UBE2L3: variants seen among roughly 807,000 people sequenced by gnomAD.
UBE2L3 encodes the protein ubiquitin-conjugating enzyme E2 L3.
A neutral mutation model predicts 17.8 loss-of-function variants in UBE2L3; 1 was observed. The observed-to-expected ratio is 0.06, with a 90% CI of 0.02 to 0.27. The LOEUF (loss-of-function observed/expected upper bound fraction) is 0.27, where lower values mean the gene tolerates loss of function less well. Among genes scored for constraint, UBE2L3 ranks in the 10% least tolerant of loss-of-function variants. The pLI is 1.00. For missense variants in UBE2L3, 40 were observed against 192.6 expected, an observed-to-expected ratio of 0.21 and a Z score of 4.69; for synonymous variants, 44 against 68.5, an observed-to-expected ratio of 0.64 and a Z score of 1.76.
intron 1 of UBE2L3, 151 bp downstream of exon 1, chr22:21,567,922 T>G: frequency 6.7e-7 from 1 of 1,486,422 alleles, no homozygotes; most frequent in Non-Finnish European, 8.9e-7. Context: ...AGGCTCAAGG[T>G]GCTAACGGGG....
At chr22:21,572,995 T>C (rs1927069042) in intron 1 of UBE2L3, among the ~76,000 whole-genome samples, 1 of 151,980 alleles carries the variant, frequency 6.6e-6, no homozygotes, top group African/African-American at 2.4e-5. Flanking sequence ...CCACTCCCAC[T>C]CCCAATGCCA....
At chr22:21,563,374 A>T (rs1568966998), upstream of UBE2L3, among the ~76,000 whole-genome samples, 1 of 147,176 alleles carries the variant, frequency 6.8e-6, no homozygotes, top group Non-Finnish European at 1.5e-5. Flanking sequence ...ACACAGTGAA[A>T]CCCCATCTCT....
intron 1 of UBE2L3, among the ~76,000 whole-genome samples, chr22:21,576,367 G>A (rs955332196): frequency 1.3e-5 from 2 of 150,760 alleles, no homozygotes; most frequent in Admixed American, 6.6e-5. Context: ...GTGCGATCTC[G>A]GCTCACTGCA....
At chr22:21,594,463 A>C (rs564707427) in intron 2 of UBE2L3, among the ~76,000 whole-genome samples, 1 of 149,366 alleles carries the variant, frequency 6.7e-6, no homozygotes, top group East Asian at 2.0e-4. Context: ...AGCATGGAGC[A>C]TGCTCCCTCC....
intron 2 of UBE2L3, among the ~76,000 whole-genome samples, chr22:21,600,668 C>T (rs1211294985): frequency 6.6e-6 from 1 of 152,056 alleles, no homozygotes; most frequent in Non-Finnish European, 1.5e-5. Flanking sequence ...TGCACTCCAG[C>T]CTGGGCGACA....
upstream of UBE2L3, chr22:21,567,488 TTATGCTCCTAC>T: frequency 5.8e-6 from 4 of 693,478 alleles, no homozygotes; most frequent in Non-Finnish European, 9.2e-6. Flanking sequence ...TCAGTATTTA[TTATGCTCCTAC>T]TATGTGCCAG....
chr22:21,564,151 TC>T (rs1926553763), upstream of UBE2L3, among the ~76,000 whole-genome samples: 1 of 151,960 alleles, frequency 6.6e-6, no homozygotes, highest in African/African-American at 2.4e-5. Flanking sequence ...TCCTCTCACT[TC>T]AGCCTCCCAA....
chr22:21,572,422 C>CAA (rs140497), intron 1 of UBE2L3, among the ~76,000 whole-genome samples: 17,866 of 103,806 alleles, frequency 0.17, 2,032 homozygotes, highest in Middle Eastern at 0.31. Context: ...GACTCCGTCT[C>CAA]AAAAAAAAAA....
At chr22:21,599,706 A>C (rs556200059) in intron 2 of UBE2L3, among the ~76,000 whole-genome samples, 1 of 152,204 alleles carries the variant, frequency 6.6e-6, no homozygotes, top group East Asian at 1.9e-4. Context: ...TGAGAGCACC[A>C]TGTATGCACA....
intron 1 of UBE2L3, chr22:21,568,025 C>T (rs1377497428): frequency 7.7e-7 from 1 of 1,306,898 alleles, no homozygotes; most frequent in Non-Finnish European, 9.7e-7. Context: ...ACGCCACTCT[C>T]CGCCCGGAGC....
At chr22:21,594,181 C>G (rs1487434373) in intron 2 of UBE2L3, among the ~76,000 whole-genome samples, 1 of 152,236 alleles carries the variant, frequency 6.6e-6, no homozygotes, top group African/African-American at 2.4e-5. Context: ...GGCCCTTGCC[C>G]TGTGCCTGCC....
intron 1 of UBE2L3, among the ~76,000 whole-genome samples, chr22:21,576,582 G>A (rs1439447434): frequency 2.6e-5 from 4 of 152,056 alleles, no homozygotes; most frequent in Non-Finnish European, 4.4e-5. Context: ...ACAGGCGTGA[G>A]CCACCATGCC....
intron 2 of UBE2L3, among the ~76,000 whole-genome samples, chr22:21,601,181 A>G (rs953380359): frequency 2.0e-5 from 3 of 152,114 alleles, no homozygotes; most frequent in Non-Finnish European, 4.4e-5. Context: ...AGAAAAATCA[A>G]TCAATCAATC....
intron 2 of UBE2L3, among the ~76,000 whole-genome samples, chr22:21,597,161 G>T (rs1928576308): frequency 1.3e-5 from 2 of 151,682 alleles, no homozygotes; most frequent in Admixed American, 6.6e-5. Flanking sequence ...GTATTTTTTG[G>T]TAGAGACAGG....
chr22:21,581,057 T>TC (rs1927602627), intron 1 of UBE2L3, among the ~76,000 whole-genome samples: 1 of 145,700 alleles, frequency 6.9e-6, no homozygotes, highest in Non-Finnish European at 1.5e-5. Context: ...CCCGGCTAAT[T>TC]TTTTTTTTTT....
intron 1 of UBE2L3, among the ~76,000 whole-genome samples, chr22:21,570,324 C>G (rs578255965): frequency 6.6e-6 from 1 of 152,162 alleles, no homozygotes; most frequent in African/African-American, 2.4e-5. Flanking sequence ...TAAAAAAAAA[C>G]AGACCTTGGA....
intron 2 of UBE2L3, among the ~76,000 whole-genome samples, chr22:21,606,662 C>G (rs574502727): frequency 6.6e-6 from 1 of 152,076 alleles, no homozygotes; most frequent in Non-Finnish European, 1.5e-5. Flanking sequence ...CCAGCCTGGA[C>G]AACATAGTGA....
rs1047553687 is a variant in UBE2L3, at chr22:21,623,577, C to T, written c.*1908C>T. On this transcript the variant is annotated 3_prime_UTR_variant, in exon 4 of 4. Coordinates refer to ENST00000342192, the MANE Select transcript of UBE2L3 (RefSeq NM_003347.4). ...TCCCATTGCTTCGTATTTCTGCCAA[C>T]GTAGCTCTGCCTGCCTGTCAACCCC... 4 of 152,956 alleles carry T rather than the reference C, an allele frequency of 2.6e-5. No homozygotes were observed. The highest frequency in any genetic ancestry group is 9.6e-5 in the African/African-American group (4 of 41,578). 9.5% of individuals were successfully genotyped at this position (152,956 alleles called of 1,614,324 possible).
chr22:21,568,392 C>T (rs1454451810), intron 1 of UBE2L3: 1 of 985,362 alleles, frequency 1.0e-6, no homozygotes. Flanking sequence ...GTTCCAACTC[C>T]AGGAAGGCCT....
Sources: gnomAD v4.1 joint callset for allele counts (sites outside exome capture counted in the v4.1 genomes callset) on GRCh38, gnomAD v4.1.1 for gene constraint, MANE v1.5 for transcripts, NCBI Gene and HGNC (gene_info 2026-07-23, HGNC 2026-07-21) for gene names.